GSK3B: variants seen among roughly 807,000 people sequenced by gnomAD.
GSK3B encodes glycogen synthase kinase-3 beta.
In GSK3B, 15 loss-of-function variants were observed where a neutral mutation model predicts 56.4. The observed-to-expected ratio is 0.27, with a 90% CI of 0.18 to 0.41. GSK3B has a LOEUF of 0.41. GSK3B is among the 10% of genes least tolerant of loss of function. The pLI, the probability that GSK3B is intolerant of heterozygous loss-of-function variation, is 1.00. For synonymous variants in GSK3B, 181 were observed against 188.9 expected, an observed-to-expected ratio of 0.96 and a Z score of 0.34; for missense variants, 300 against 513.4, an observed-to-expected ratio of 0.58 and a Z score of 4.02.
At chr3:120,029,776 A>G (rs987407795) in intron 1 of GSK3B, 7 of 555,116 alleles carry the variant, frequency 1.3e-5, no homozygotes, top group Admixed American at 1.9e-5. Context: ...ACTTATGGTC[A>G]TTAACTGTTT....
At chr3:120,092,992 CCTT>C (rs1405048957) in intron 1 of GSK3B, among the ~76,000 whole-genome samples, 2 of 151,958 alleles carry the variant, frequency 1.3e-5, no homozygotes, top group African/African-American at 2.4e-5. Flanking sequence ...CAAATCTTGT[CCTT>C]CTCTTTATTC....
intron 1 of GSK3B, among the ~76,000 whole-genome samples, chr3:120,079,533 T>A (rs565947939): frequency 6.6e-6 from 1 of 152,050 alleles, no homozygotes; most frequent in Non-Finnish European, 1.5e-5. Context: ...TAGCTAGAAT[T>A]ACAGGCACCT....
At chr3:119,932,047 C>A (rs2056950790) in intron 3 of GSK3B, among the ~76,000 whole-genome samples, 1 of 152,168 alleles carries the variant, frequency 6.6e-6, no homozygotes, top group South Asian at 2.1e-4. Context: ...ATAACTCCAT[C>A]CTACCTTTGG....
intron 7 of GSK3B, among the ~76,000 whole-genome samples, chr3:119,893,880 A>T (rs1436535410): frequency 6.6e-6 from 1 of 152,074 alleles, no homozygotes; most frequent in Admixed American, 6.6e-5. Flanking sequence ...CCTTAAAAAA[A>T]AAAAAAAGCT....
At chr3:119,935,249 C>T (rs2056982926) in intron 3 of GSK3B, among the ~76,000 whole-genome samples, 1 of 151,952 alleles carries the variant, frequency 6.6e-6, no homozygotes, top group African/African-American at 2.4e-5. Context: ...GAAGATAGAC[C>T]AAGCGAACTT....
chr3:119,940,893 T>G (rs2057042396), intron 3 of GSK3B, among the ~76,000 whole-genome samples: 1 of 152,212 alleles, frequency 6.6e-6, no homozygotes, highest in South Asian at 2.1e-4. Context: ...AGAACCGTTG[T>G]GAAGATTAAA....
chr3:120,072,924 G>C (rs1576310447), intron 1 of GSK3B, among the ~76,000 whole-genome samples: 2 of 152,252 alleles, frequency 1.3e-5, no homozygotes, highest in Admixed American at 1.3e-4. Flanking sequence ...AGTTACCAGA[G>C]GTAGCAAGGC....
At chr3:119,927,232 A>G (rs994623764) in intron 3 of GSK3B, among the ~76,000 whole-genome samples, 1 of 152,234 alleles carries the variant, frequency 6.6e-6, no homozygotes, top group South Asian at 2.1e-4. Flanking sequence ...TTTTTCAATT[A>G]TATCAATAAA....
At chr3:119,984,508 C>T (rs552340430) in intron 2 of GSK3B, among the ~76,000 whole-genome samples, 21 of 151,708 alleles carry the variant, frequency 1.4e-4, no homozygotes, top group South Asian at 2.1e-4. Context: ...ATCAAATATA[C>T]GCAATAAAAA....
At chr3:120,016,409 G>A (rs2057828322) in intron 1 of GSK3B, among the ~76,000 whole-genome samples, 3 of 152,086 alleles carry the variant, frequency 2.0e-5, no homozygotes, top group South Asian at 4.2e-4. Flanking sequence ...GAAAATTTAC[G>A]GTGTTCAAAA....
intron 3 of GSK3B, among the ~76,000 whole-genome samples, chr3:119,931,089 T>C (rs951462599): frequency 1.3e-5 from 2 of 152,190 alleles, no homozygotes; most frequent in Non-Finnish European, 2.9e-5. Flanking sequence ...GGAAACACCA[T>C]ATGTAGGGAA....
At chr3:119,932,563 C>A (rs1461984837) in intron 3 of GSK3B, among the ~76,000 whole-genome samples, 3 of 147,306 alleles carry the variant, frequency 2.0e-5, no homozygotes, top group African/African-American at 7.5e-5. Flanking sequence ...GGTATTTCTG[C>A]AAATCTTGGA....
chr3:120,004,018 C>A (rs1323954308), intron 1 of GSK3B, among the ~76,000 whole-genome samples: 2 of 152,242 alleles, frequency 1.3e-5, no homozygotes, highest in African/African-American at 2.4e-5. Context: ...GTGGCTGTAC[C>A]TGGAGGAGCG....
intron 1 of GSK3B, among the ~76,000 whole-genome samples, chr3:120,080,119 C>T (rs1402935089): frequency 6.6e-6 from 1 of 151,948 alleles, no homozygotes; most frequent in Non-Finnish European, 1.5e-5. Context: ...AGCAAAATCT[C>T]GTCTCTACAA....
chr3:120,044,464 T>C (rs1576292824), intron 1 of GSK3B, among the ~76,000 whole-genome samples: 1 of 151,594 alleles, frequency 6.6e-6, no homozygotes, highest in East Asian at 1.9e-4. Context: ...CCTTTCACCC[T>C]GGCATTTCAT....
chr3:119,825,477 A>C lies in GSK3B; in HGVS notation c.*1311T>G, dbSNP rs1327497099. 4 of 211,504 alleles carry C rather than the reference A, an allele frequency of 1.9e-5. No homozygotes were observed. The highest frequency in any genetic ancestry group is 3.7e-5 in the Non-Finnish European group (4 of 107,840). 13.1% of individuals were successfully genotyped at this position (211,504 alleles called of 1,614,324 possible). A position where few individuals can be genotyped will look rare whatever the true frequency, so the allele number is the denominator to read the frequency against. ...ACCAGTCAATTTTGATACTGTAGAC[A>C]AAAAAAAAGGCAGTATTGAATATAT... On this transcript the variant is annotated 3_prime_UTR_variant, in exon 11 of 11. Coordinates refer to ENST00000264235, the MANE Select transcript of GSK3B (RefSeq NM_001146156.2).
At chr3:120,047,019 A>G (rs2107537907) in intron 1 of GSK3B, among the ~76,000 whole-genome samples, 1 of 152,322 alleles carries the variant, frequency 6.6e-6, no homozygotes, top group Non-Finnish European at 1.5e-5. Context: ...GAATCAGAAT[A>G]CTAGAGTCAC....
chr3:119,982,077 G>A (rs1292028478), intron 2 of GSK3B, among the ~76,000 whole-genome samples: 1 of 152,210 alleles, frequency 6.6e-6, no homozygotes, highest in Non-Finnish European at 1.5e-5. Flanking sequence ...GGCAACCAGG[G>A]TCTGGAGTGG....
chr3:119,889,383 T>C (rs1020088098), intron 7 of GSK3B, among the ~76,000 whole-genome samples: 4 of 152,116 alleles, frequency 2.6e-5, no homozygotes, highest in Non-Finnish European at 4.4e-5. Context: ...GATTATAACA[T>C]GTAGAATTAA....
Sources: allele counts gnomAD v4.1 joint callset (sites outside exome capture counted in the v4.1 genomes callset), GRCh38; gene constraint gnomAD v4.1.1; transcripts MANE v1.5; gene names NCBI Gene and HGNC (gene_info 2026-07-23, HGNC 2026-07-21).